Variants in SLC8A2 observed in about 807,000 individuals in gnomAD.
SLC8A2 encodes sodium/calcium exchanger 2.
In SLC8A2, 14 loss-of-function variants were observed where a neutral mutation model predicts 70.2. The observed-to-expected ratio is 0.20, with a 90% confidence interval of 0.13 to 0.31. The LOEUF is 0.31. Ranked by LOEUF, SLC8A2 falls within the 10% of genes least tolerant of loss-of-function variation. SLC8A2 has a pLI of 1.00. For missense variants in SLC8A2, 779 were observed against 1,320.1 expected (o/e 0.59, Z 6.35); for synonymous variants, 575 against 594.3 (o/e 0.97, Z 0.47).
intron 9 of SLC8A2, among the ~76,000 whole-genome samples, chr19:47,431,514 T>C (rs1157594618): frequency 6.7e-6 from 1 of 149,232 alleles, no homozygotes; most frequent in Admixed American, 6.7e-5. Context: ...CTGGATGTGG[T>C]GGCGCACGCC....
At chr19:47,452,059 C>G (rs1967241018) in intron 3 of SLC8A2, among the ~76,000 whole-genome samples, 1 of 152,010 alleles carries the variant, frequency 6.6e-6, no homozygotes, top group Admixed American at 6.6e-5. Flanking sequence ...GTTGAGTTAA[C>G]AGTATCAATT....
intron 2 of SLC8A2, among the ~76,000 whole-genome samples, chr19:47,460,136 C>G (rs1967375977): frequency 6.6e-6 from 1 of 152,188 alleles, no homozygotes; most frequent in Non-Finnish European, 1.5e-5. Context: ...CCCATGACCC[C>G]TACCAGTGCC....
chr19:47,463,670 A>G (rs1406219838), intron 2 of SLC8A2, among the ~76,000 whole-genome samples: 7 of 142,760 alleles, frequency 4.9e-5, no homozygotes, highest in African/African-American at 8.2e-5. Context: ...ACAGAGAAAG[A>G]CTCTGTCTCA....
At chr19:47,461,291 T>A (rs2122649333) in intron 2 of SLC8A2, among the ~76,000 whole-genome samples, 1 of 151,532 alleles carries the variant, frequency 6.6e-6, no homozygotes, top group South Asian at 2.1e-4. Flanking sequence ...GGTGGATCAC[T>A]TGAGCTCAGG....
intron 2 of SLC8A2, among the ~76,000 whole-genome samples, chr19:47,460,124 C>T (rs1212989414): frequency 1.3e-5 from 2 of 152,192 alleles, no homozygotes; most frequent in Admixed American, 1.3e-4. Context: ...CTCAGTGCCC[C>T]ACCCATGACC....
At chr19:47,462,227 C>T (rs925600135) in intron 2 of SLC8A2, among the ~76,000 whole-genome samples, 4 of 152,066 alleles carry the variant, frequency 2.6e-5, no homozygotes, top group Admixed American at 1.3e-4. Context: ...ATTTATAACT[C>T]TGTTTTATGT....
intron 2 of SLC8A2, among the ~76,000 whole-genome samples, chr19:47,458,466 A>C (rs1599857260): frequency 1.7e-4 from 13 of 74,814 alleles, no homozygotes; most frequent in Admixed American, 4.1e-4. Context: ...TTCCCTCTCC[A>C]TCTTGTTCTG....
chr19:47,443,400 G>A (rs1967121584), intron 4 of SLC8A2, among the ~76,000 whole-genome samples: 1 of 152,110 alleles, frequency 6.6e-6, no homozygotes, highest in South Asian at 2.1e-4. Context: ...CTTTGCCACT[G>A]GCAACTCTTT....
chr19:47,445,782 G>A (rs1037233458), intron 4 of SLC8A2, among the ~76,000 whole-genome samples: 3 of 151,928 alleles, frequency 2.0e-5, no homozygotes, highest in Non-Finnish European at 4.4e-5. Context: ...GAGGGAAGCA[G>A]GTTGGACTAT....
rs1246797876 is a variant in SLC8A2, at chr19:47,432,297, A to T, written c.2259T>A (p.Gly753=). The change falls in exon 9 of 10, where the codon GGT becomes GGA. Residue 753 remains glycine (G), a synonymous_variant. Transcript: ENST00000236877. This position sits in a 1 kb window ranked among gnomAD's most constrained non-coding sequence, Gnocchi z 6.2. ...TEYCHGWACF[G]VSILVIGLLT... is the part of the protein sequence containing the mutation. ...GCAGGCCGATGACCAGGATGGAGAC[A>T]CCAAAGCAGGCCCAGCCGTGGCAGT... The T allele has an allele frequency of 6.2e-7, 1 of 1,613,982 alleles. No homozygotes were observed. Among genetic ancestry groups the T allele is most frequent in the East Asian group, 2.2e-5 (1 of 44,878 alleles).
intron 8 of SLC8A2, among the ~76,000 whole-genome samples, chr19:47,433,206 G>C (rs1966985973): frequency 6.6e-6 from 1 of 152,102 alleles, no homozygotes; most frequent in Non-Finnish European, 1.5e-5. Flanking sequence ...CTGAAAGCCA[G>C]TCCACAGCTA....
At position 47,464,400 on chromosome 19, in the gene SLC8A2, C is replaced by T. The variant is rs191663553; in HGVS notation, c.675+1329G>A. Among the ~76,000 whole-genome samples, 16 of 152,334 alleles carry T rather than the reference C, an allele frequency of 1.1e-4. No individual in the cohort carries two copies. The East Asian group carries it at 2.9e-3, about 28-fold the overall frequency. Reference sequence around the variant, plus strand: ...GTGCTAGGATTACAGGCATGAACCACCACACCTAGCTTCAAAGGCCTTTCT... The same window carrying T: ...GTGCTAGGATTACAGGCATGAACCATCACACCTAGCTTCAAAGGCCTTTCT... On this transcript the variant is annotated intron_variant, in intron 2 of 9. Transcript: ENST00000236877.
intron 2 of SLC8A2, among the ~76,000 whole-genome samples, chr19:47,460,045 C>T (rs888600350): frequency 1.3e-5 from 2 of 152,164 alleles, no homozygotes; most frequent in African/African-American, 2.4e-5. Flanking sequence ...CCCCCATCAC[C>T]TGGGGGTGCC....
intron 6 of SLC8A2, among the ~76,000 whole-genome samples, chr19:47,440,003 C>T (rs2441045): frequency 0.1 from 15,552 of 152,122 alleles, 870 homozygotes; most frequent in Middle Eastern, 0.16. Flanking sequence ...TGTGACTTGT[C>T]GGTCAGTTTG....
At chr19:47,431,330 C>T (rs1966955398) in intron 9 of SLC8A2, among the ~76,000 whole-genome samples, 2 of 152,226 alleles carry the variant, frequency 1.3e-5, no homozygotes, top group South Asian at 4.1e-4. Context: ...GCCACCACAC[C>T]CCACCTGCCC....
intron 4 of SLC8A2, among the ~76,000 whole-genome samples, chr19:47,444,861 C>A (rs1967141203): frequency 1.3e-5 from 2 of 152,140 alleles, no homozygotes; most frequent in South Asian, 4.2e-4. Context: ...ACTCTCCTGC[C>A]CTTCTCCCCT....
At chr19:47,463,321 GA>G (rs1967419888) in intron 2 of SLC8A2, among the ~76,000 whole-genome samples, 1 of 149,920 alleles carries the variant, frequency 6.7e-6, no homozygotes, top group African/African-American at 2.4e-5. Flanking sequence ...TTTTAGCAGA[GA>G]CGGGGTTTCA....
chr19:47,448,086 G>A lies in SLC8A2; in HGVS notation c.1486C>T (p.Pro496Ser), dbSNP rs757930292. 15 of 1,602,630 alleles carry A rather than the reference G, an allele frequency of 9.4e-6. No homozygotes were observed. Among genetic ancestry groups the A allele is most frequent in the Non-Finnish European group, 1.2e-5 (14 of 1,174,628 alleles). Residue 496 changes from proline to serine, a missense_variant, in exon 4 of 10, where the codon CCG (proline) becomes TCG (serine). By Grantham distance (74) the Pro-to-Ser change is moderately conservative. Transcript: ENST00000236877. The surrounding 1 kb of genome is among the most constrained non-coding windows in gnomAD (Gnocchi z 4.8). ...CCCTTGGGCCGCCCGCCGCCGTCCG[G>A]CTCGAACATGCCCTGCGCGTCGCCC... ...RVGDAQGMFEPDGGGRPKGRL... is the reference protein window; with the variant it reads ...RVGDAQGMFESDGGGRPKGRL...
chr19:47,432,482 A>G lies in SLC8A2; in HGVS notation c.2111-37T>C. 6.5e-7 allele frequency: 1 copy of G among 1,528,132 alleles called. No individual in the cohort carries two copies. Among genetic ancestry groups the G allele is most frequent in the African/African-American group, 1.4e-5 (1 of 72,940 alleles). The allele number at this position is 1,528,132 out of a possible 1,614,324, so 94.7% of individuals were successfully genotyped here. Reference sequence around the variant, plus strand: ...CGACCCAGCTGGGGCATACACTCAGACTTCCTTCCTTGCCTACAGAGGCCC... The same window carrying G: ...CGACCCAGCTGGGGCATACACTCAGGCTTCCTTCCTTGCCTACAGAGGCCC... On this transcript the variant is annotated intron_variant, in intron 8 of 9. Coordinates refer to ENST00000236877, the MANE Select transcript of SLC8A2 (RefSeq NM_015063.3). This position sits in a 1 kb window ranked among gnomAD's most constrained non-coding sequence, Gnocchi z 6.2.
Sources: allele counts gnomAD v4.1 joint callset (sites outside exome capture counted in the v4.1 genomes callset), GRCh38; gene constraint gnomAD v4.1.1; non-coding constraint Gnocchi (gnomAD v3.1); transcripts MANE v1.5; gene names NCBI Gene and HGNC (gene_info 2026-07-23, HGNC 2026-07-21).